The following NRTN variants were observed in gnomAD, a reference collection of about 807,000 sequenced individuals.
NRTN encodes the protein neurturin, also known as prepro-neurturin.
A neutral mutation model predicts 7.5 loss-of-function variants in NRTN; 3 were observed. The observed-to-expected ratio is 0.40, with a 90% CI of 0.18 to 1.03. The LOEUF (loss-of-function observed/expected upper bound fraction) is 1.03. NRTN is among the 50% of genes least tolerant of loss of function. NRTN has a pLI of 0.34. For synonymous variants in NRTN, 157 were observed against 146.6 expected, an observed-to-expected ratio of 1.07 and a Z score of -0.51; for missense variants, 310 against 307.0, an observed-to-expected ratio of 1.01 and a Z score of -0.07.
rs974702996 is a variant in NRTN at position 5,828,199 on chromosome 19, G to A, written c.*26G>A. On this transcript the variant is annotated 3_prime_UTR_variant, in exon 3 of 3. Transcript: ENST00000303212. ...CCCTACCTCACTCGGCCGGCGCGGC[G>A]GCCACTCCCCCCGCCTCGACGGCAC... 3 of 1,527,656 alleles carry A rather than the reference G, an allele frequency of 2.0e-6. No individual in the cohort carries two copies. The African/African-American group carries it at 4.1e-5, about 21-fold the overall frequency. 94.6% of individuals were successfully genotyped at this position (1,527,656 alleles called of 1,614,324 possible). A position where few individuals can be genotyped will look rare whatever the true frequency, so the allele number is the denominator to read the frequency against.
In NRTN at chr19:5,827,814, C is replaced by CGGCCCCCAGGTCCGCGCCGTCGGGCGG; in HGVS notation, c.242_268dup (p.Pro81_Pro89dup). The CGGCCCCCAGGTCCGCGCCGTCGGGCGG allele has an allele frequency of 2.3e-5, 27 of 1,168,784 alleles. No individual in the cohort carries two copies. Among genetic ancestry groups the CGGCCCCCAGGTCCGCGCCGTCGGGCGG allele is most frequent in the South Asian group, 4.1e-5 (1 of 24,318 alleles). The allele number at this position is 1,168,784 out of a possible 1,614,324, so 72.4% of individuals were successfully genotyped here. A position where few individuals can be genotyped will look rare whatever the true frequency, so the allele number is the denominator to read the frequency against. On this transcript the variant is annotated inframe_insertion, in exon 3 of 3. Coordinates refer to ENST00000303212, the MANE Select transcript of NRTN (RefSeq NM_004558.5). ...GCGCGAGCTGACGCCCTGGGCTGGG[C>CGGCCCCCAGGTCCGCGCCGTCGGGCGG]GGCCCCCAGGTCCGCGCCGTCGGGC...
rs1263855215 is a variant in NRTN, at chr19:5,805,074, G to T, written c.-776G>T. Among the ~76,000 whole-genome samples the T allele has an allele frequency of 1.4e-5, 2 of 146,344 alleles. No homozygotes were observed. The highest frequency in any genetic ancestry group is 4.0e-4 in the East Asian group (2 of 5,022). On this transcript the variant is annotated 5_prime_UTR_variant, in exon 1 of 3. Transcript: ENST00000303212. ...GTCCGCGGCGGGACGGGCGGAGGCG[G>T]CGGGAGAGCGCGCCCTGAAGCCGCT... is the stretch of plus-strand genomic sequence containing the variant.
intron 1 of NRTN, among the ~76,000 whole-genome samples, chr19:5,823,466 G>A (rs2057033477): frequency 6.6e-6 from 1 of 152,070 alleles, no homozygotes; most frequent in South Asian, 2.1e-4. Context: ...GAGTGGGGAG[G>A]GAGGGAAGAA....
intron 2 of NRTN, among the ~76,000 whole-genome samples, chr19:5,825,082 T>C (rs1247642415): frequency 6.6e-6 from 1 of 150,794 alleles, no homozygotes. Flanking sequence ...AGGCGGGAGA[T>C]GGAGCAGGAG....
intron 2 of NRTN, among the ~76,000 whole-genome samples, chr19:5,826,075 C>T (rs1217885626): frequency 6.6e-6 from 1 of 151,590 alleles, no homozygotes; most frequent in Non-Finnish European, 1.5e-5. Flanking sequence ...GCGGAGCTTG[C>T]AGTGAGCCGA....
chr19:5,817,533 A>G (rs892007595), intron 1 of NRTN, among the ~76,000 whole-genome samples: 83 of 145,106 alleles, frequency 5.7e-4, no homozygotes, highest in South Asian at 6.9e-4. Flanking sequence ...GAGAGGAAGA[A>G]AAAGAAAGAG....
At chr19:5,816,418 G>A (rs1026000355) in intron 1 of NRTN, among the ~76,000 whole-genome samples, 1 of 151,480 alleles carries the variant, frequency 6.6e-6, no homozygotes, top group African/African-American at 2.4e-5. Context: ...TTGCTCTGTC[G>A]TCCAGGCTGG....
intron 1 of NRTN, among the ~76,000 whole-genome samples, chr19:5,821,403 C>T (rs2057024263): frequency 7.0e-6 from 1 of 143,008 alleles, no homozygotes; most frequent in Admixed American, 7.5e-5. Context: ...CTCCCGGGTT[C>T]AAGCGATTCT....
In NRTN at chr19:5,824,024, T is replaced by TTCCCATGCG. The variant is rs1380963750; in HGVS notation, c.-135_-134insCGTCCCATG. 5.4e-6 allele frequency: 6 copies of TTCCCATGCG among 1,110,910 alleles called. No individual in the cohort carries two copies. The highest frequency in any genetic ancestry group is 1.5e-5 in the African/African-American group (1 of 65,428). The allele number at this position is 1,110,910 out of a possible 1,614,324, so 68.8% of individuals were successfully genotyped here. ...TGTTCAATGGTTCCTTGAGGGACCA[T>TTCCCATGCG]TCCCATGTGATTATCGACCATTCGG... On this transcript the variant is annotated 5_prime_UTR_variant, in exon 2 of 3. The change creates a new upstream start codon in the 5' untranslated region. Coordinates refer to ENST00000303212, the MANE Select transcript of NRTN (RefSeq NM_004558.5).
intron 2 of NRTN, 42 bp downstream of exon 2, chr19:5,824,376 A>C (rs371867281): frequency 3.1e-4 from 487 of 1,563,734 alleles, no homozygotes; most frequent in Non-Finnish European, 4.0e-4. Flanking sequence ...CCCCAACGTA[A>C]GGGGTAGAAT....
rs764016005 is a variant in NRTN, at chr19:5,827,962, G to C, written c.383G>C (p.Arg128Pro). The C allele has an allele frequency of 1.2e-5, 18 of 1,485,774 alleles. No individual in the cohort carries two copies. The highest frequency in any genetic ancestry group is 2.2e-5 in the Admixed American group (1 of 45,840). 92.0% of individuals were successfully genotyped at this position (1,485,774 alleles called of 1,614,324 possible). A position where few individuals can be genotyped will look rare whatever the true frequency, so the allele number is the denominator to read the frequency against. The change falls in exon 3 of 3, where the codon CGC becomes CCC. Residue 128 changes from arginine to proline, a missense_variant. By Grantham distance (103) the Arg-to-Pro change is moderately radical. Transcript: ENST00000303212. ...GYASDETVLF[R>P]YCAGACEAAA... ...GCGTCCGACGAGACGGTGCTGTTCC[G>C]CTACTGCGCAGGCGCCTGCGAGGCT...
In NRTN at chr19:5,824,371, A is replaced by G. The variant is rs1329281449; in HGVS notation, c.169+37A>G. On this transcript the variant is annotated intron_variant, in intron 2 of 2. Transcript: ENST00000303212. Reference sequence around the variant, plus strand: ...CTCTGTGTGGGGTCAGATACCCCCAACGTAAGGGGTAGAATTTCAGGCAGT... The same window carrying G: ...CTCTGTGTGGGGTCAGATACCCCCAGCGTAAGGGGTAGAATTTCAGGCAGT... 10 of 1,569,060 alleles carry G rather than the reference A, an allele frequency of 6.4e-6. No individual in the cohort carries two copies. In the Admixed American group the frequency reaches 1.7e-4, roughly 26 times the overall value.
chr19:5,816,354 T>A (rs1453062221), intron 1 of NRTN, among the ~76,000 whole-genome samples: 3 of 152,182 alleles, frequency 2.0e-5, no homozygotes, highest in Non-Finnish European at 2.9e-5. Flanking sequence ...ACTCTTTTTG[T>A]CTTTTCTCTT....
At chr19:5,826,245 T>A (rs1210612697) in intron 2 of NRTN, among the ~76,000 whole-genome samples, 3 of 151,970 alleles carry the variant, frequency 2.0e-5, no homozygotes, top group African/African-American at 7.3e-5. Context: ...CCCTCTGGGG[T>A]TGGGTGTGCC....
At chr19:5,822,192 C>A (rs976742621) in intron 1 of NRTN, among the ~76,000 whole-genome samples, 2 of 152,110 alleles carry the variant, frequency 1.3e-5, no homozygotes, top group Non-Finnish European at 2.9e-5. Flanking sequence ...AGGCGCGGTC[C>A]ATGCAAATGA....
chr19:5,827,933 C>G lies in NRTN; in HGVS notation c.354C>G (p.Gly118=). 6.7e-7 allele frequency: 1 copy of G among 1,483,926 alleles called. No homozygotes were observed. The highest frequency in any genetic ancestry group is 1.3e-5 in the South Asian group (1 of 77,784). 91.9% of individuals were successfully genotyped at this position (1,483,926 alleles called of 1,614,324 possible). A position where few individuals can be genotyped will look rare whatever the true frequency, so the allele number is the denominator to read the frequency against. Residue 118 remains glycine (G), a synonymous_variant, in exon 3 of 3, where the codon GGC becomes GGG. Transcript: ENST00000303212. ...LEVRVSELGL[G]YASDETVLFR... is the part of the protein sequence containing the mutation. The stretch of plus-strand genomic sequence containing the variant: ...TGCGCGTGAGCGAGCTGGGCCTGGG[C>G]TACGCGTCCGACGAGACGGTGCTGT...
intron 2 of NRTN, among the ~76,000 whole-genome samples, chr19:5,825,620 CG>C (rs1457096490): frequency 6.6e-6 from 1 of 152,160 alleles, no homozygotes; most frequent in African/African-American, 2.4e-5. Flanking sequence ...ACTTGGGGTG[CG>C]GGGGGCAAAG....
chr19:5,824,264 C>G lies in NRTN; in HGVS notation c.99C>G (p.Leu33=), dbSNP rs757479724. ...AGGGCCTGCTTCTCAGCCACCGCCTCGGACCTGCGCTGGTCCCCCTGCACC... is the reference window on the plus strand; with the variant it reads ...AGGGCCTGCTTCTCAGCCACCGCCTGGGACCTGCGCTGGTCCCCCTGCACC... ...CREGLLLSHR[L]GPALVPLHRL... Residue 33 remains leucine, a synonymous_variant, in exon 2 of 3, where the codon CTC becomes CTG. Coordinates refer to ENST00000303212, the MANE Select transcript of NRTN (RefSeq NM_004558.5). 1.9e-6 allele frequency: 3 copies of G among 1,611,124 alleles called. No individual in the cohort carries two copies. Among genetic ancestry groups the G allele is most frequent in the Non-Finnish European group, 2.5e-6 (3 of 1,179,502 alleles).
At chr19:5,808,904 C>T (rs551092948) in intron 1 of NRTN, among the ~76,000 whole-genome samples, 107 of 151,758 alleles carry the variant, frequency 7.1e-4, no homozygotes, top group African/African-American at 1.8e-3. Flanking sequence ...TACAGGCGCC[C>T]ACCACCACGC....
Sources: allele counts gnomAD v4.1 joint callset (sites outside exome capture counted in the v4.1 genomes callset), GRCh38; gene constraint gnomAD v4.1.1; transcripts MANE v1.5; gene names NCBI Gene and HGNC (gene_info 2026-07-23, HGNC 2026-07-21).